Variants in CDYL observed in about 807,000 individuals in gnomAD.
CDYL encodes chromodomain Y like.
Under a neutral mutation model 47.3 loss-of-function variants are expected in CDYL, and 8 were observed. That is an observed-to-expected ratio of 0.17 (90% CI 0.10 to 0.31). The LOEUF is 0.31. Among genes scored for constraint, CDYL ranks in the 10% least tolerant of loss-of-function variants. The pLI is 1.00. For synonymous variants in CDYL, 266 were observed against 265.0 expected (o/e 1.00, Z -0.04); for missense variants, 471 against 701.4 (o/e 0.67, Z 3.71).
In CDYL at chr6:4,848,870, A is replaced by G. The variant is rs755216738; in HGVS notation, c.25-42843A>G. ...TGGCCCTTCTTAGTGAAGGTGATAG[A>G]GACAAGGGCAGAAGGTCATTGTATT... On this transcript the variant is annotated intron_variant, in intron 1 of 6. Coordinates refer to ENST00000397588, the MANE Select transcript of CDYL (RefSeq NM_004824.4). Among the ~76,000 whole-genome samples the G allele has an allele frequency of 2.0e-4, 31 of 152,374 alleles. 2 individuals are homozygous for G. The highest frequency in any genetic ancestry group is 3.4e-3 in the Middle Eastern group (1 of 294).
At chr6:4,749,132 T>A (rs1039018655) in intron 3 of CDYL, among the ~76,000 whole-genome samples, 4 of 152,150 alleles carry the variant, frequency 2.6e-5, no homozygotes, top group Non-Finnish European at 4.4e-5. Flanking sequence ...TCTCAAAAAC[T>A]GGGGGGAAAA....
At chr6:4,759,475 C>T (rs1201629109) in intron 3 of CDYL, among the ~76,000 whole-genome samples, 1 of 152,024 alleles carries the variant, frequency 6.6e-6, no homozygotes, top group African/African-American at 2.4e-5. Context: ...CCATAATTTG[C>T]TTAGTCCTGA....
chr6:4,906,225 G>A (rs1757233018), intron 2 of CDYL, among the ~76,000 whole-genome samples: 1 of 152,200 alleles, frequency 6.6e-6, no homozygotes, highest in Admixed American at 6.5e-5. Flanking sequence ...TTTAAATTAT[G>A]TATTCCATGT....
chr6:4,802,950 C>T (rs1289789180), intron 1 of CDYL, among the ~76,000 whole-genome samples: 1 of 152,172 alleles, frequency 6.6e-6, no homozygotes, highest in Non-Finnish European at 1.5e-5. Context: ...CATTCCTCTC[C>T]TTCCCCATCC....
At chr6:4,865,034 A>G (rs1761279738) in intron 1 of CDYL, among the ~76,000 whole-genome samples, 1 of 152,132 alleles carries the variant, frequency 6.6e-6, no homozygotes, top group Non-Finnish European at 1.5e-5. Flanking sequence ...TTAAAGTTTA[A>G]CTTCCTGGTT....
intron 2 of CDYL, among the ~76,000 whole-genome samples, chr6:4,716,203 C>T (rs1256897984): frequency 2.7e-5 from 4 of 150,732 alleles, no homozygotes; most frequent in Admixed American, 1.3e-4. Context: ...AGCCCGAGAT[C>T]GCGCCACTGT....
At chr6:4,911,356 G>C (rs1757409260) in intron 2 of CDYL, among the ~76,000 whole-genome samples, 1 of 152,238 alleles carries the variant, frequency 6.6e-6, no homozygotes, top group Non-Finnish European at 1.5e-5. Context: ...TGATGAGTCA[G>C]ATCCACAGTG....
chr6:4,795,124 G>T (rs1467714344), intron 1 of CDYL, among the ~76,000 whole-genome samples: 1 of 151,230 alleles, frequency 6.6e-6, no homozygotes, highest in African/African-American at 2.4e-5. Flanking sequence ...TTAAATAAAA[G>T]CTGTGAATAT....
chr6:4,878,876 A>C (rs1221930538), intron 1 of CDYL, among the ~76,000 whole-genome samples: 1 of 152,058 alleles, frequency 6.6e-6, no homozygotes, highest in African/African-American at 2.4e-5. Context: ...GTGAACATTT[A>C]AAGGCACCAT....
intron 2 of CDYL, among the ~76,000 whole-genome samples, chr6:4,892,862 C>G (rs1762090192): frequency 1.3e-5 from 2 of 152,178 alleles, no homozygotes; most frequent in African/African-American, 4.8e-5. Flanking sequence ...GAGCCGGGCT[C>G]GTTTCTCTGT....
intron 1 of CDYL, among the ~76,000 whole-genome samples, chr6:4,826,620 A>ACACCTCCTT (rs1759989419): frequency 6.6e-6 from 1 of 152,128 alleles, no homozygotes; most frequent in Admixed American, 6.5e-5. Context: ...TGGTTGTTGA[A>ACACCTCCTT]GGAGGGTGTT....
chr6:4,793,492 G>A (rs368388597), intron 1 of CDYL, among the ~76,000 whole-genome samples: 15 of 152,288 alleles, frequency 9.8e-5, no homozygotes, highest in South Asian at 6.2e-4. Context: ...TGAGGTTGGG[G>A]GTACTTGTAG....
At chr6:4,761,359 C>A (rs1363387053) in intron 3 of CDYL, among the ~76,000 whole-genome samples, 1 of 151,636 alleles carries the variant, frequency 6.6e-6, no homozygotes, top group Non-Finnish European at 1.5e-5. Context: ...ATTTTTTTTT[C>A]CCCAGACTGA....
At chr6:4,933,370 T>C (rs1418785292) in intron 2 of CDYL, among the ~76,000 whole-genome samples, 1 of 152,196 alleles carries the variant, frequency 6.6e-6, no homozygotes, top group Non-Finnish European at 1.5e-5. Context: ...AACTCCAGGC[T>C]GCCCTGTGGA....
At chr6:4,877,639 A>G (rs1451555609) in intron 1 of CDYL, among the ~76,000 whole-genome samples, 3 of 152,244 alleles carry the variant, frequency 2.0e-5, no homozygotes, top group South Asian at 2.1e-4. Context: ...ATTTAGAATC[A>G]TAAATGAAAA....
At chr6:4,883,097 A>C in intron 1 of CDYL, among the ~76,000 whole-genome samples, 1 of 152,212 alleles carries the variant, frequency 6.6e-6, no homozygotes, top group East Asian at 1.9e-4. Context: ...CCTTGCTTAC[A>C]GAAGGGCTGG....
intron 1 of CDYL, among the ~76,000 whole-genome samples, chr6:4,865,099 C>T (rs1213512027): frequency 1.3e-5 from 2 of 152,182 alleles, no homozygotes; most frequent in East Asian, 3.8e-4. Flanking sequence ...CAGTTCTAAT[C>T]AGTAGTTCAC....
rs898248733 is a variant in CDYL at position 4,791,893 on chromosome 6, T to TG, written c.24+15086_24+15087insG. On this transcript the variant is annotated intron_variant, in intron 1 of 6. Coordinates refer to ENST00000397588, the MANE Select transcript of CDYL (RefSeq NM_004824.4). ...GGAAGGAATTGTAGAATTTTTTTTT[T>TG]TTTTTTTGAGACGGAGTCTTGCTCT... 2.6e-3 allele frequency among the ~76,000 whole-genome samples: 398 copies of TG among 151,382 alleles called. 1 individual carries two copies. Among genetic ancestry groups the TG allele is most frequent in the African/African-American group, 9.0e-3 (372 of 41,334 alleles).
At chr6:4,865,109 C>T (rs951555842) in intron 1 of CDYL, among the ~76,000 whole-genome samples, 1 of 152,168 alleles carries the variant, frequency 6.6e-6, no homozygotes, top group Non-Finnish European at 1.5e-5. Flanking sequence ...CAGTAGTTCA[C>T]ATCTGTTCCC....
Sources: gnomAD v4.1 joint callset for allele counts (sites outside exome capture counted in the v4.1 genomes callset) on GRCh38, gnomAD v4.1.1 for gene constraint, MANE v1.5 for transcripts, NCBI Gene and HGNC (gene_info 2026-07-23, HGNC 2026-07-21) for gene names.